Variants in DELE1 observed in about 807,000 individuals in gnomAD.
DELE1 encodes the protein death ligand signal enhancer.
A neutral mutation model predicts 59.3 loss-of-function variants in DELE1; 54 were observed. The observed-to-expected ratio is 0.91, with a 90% CI of 0.73 to 1.14. The LOEUF is 1.14. Ranked by LOEUF, DELE1 falls within the 50% of genes most tolerant of loss-of-function variation. The pLI is 0.00. For missense variants in DELE1, 636 were observed against 643.9 expected (o/e 0.99, Z 0.13); for synonymous variants, 264 against 259.1 (o/e 1.02, Z -0.18).
intron 8 of DELE1, chr5:141,933,915 G>GCC (rs141299436): frequency 6.4e-4 from 117 of 182,752 alleles, no homozygotes; most frequent in African/African-American, 2.5e-3. Flanking sequence ...CTCTCTCTCT[G>GCC]CCCCCCCCCA....
In DELE1 at chr5:141,933,239, T is replaced by A; in HGVS notation, c.755-20T>A. ...AAGTTCACTGAGGAAGCTGTGTTTG[T>A]GCCCTGTGCCTTCTTACAGGAACAG... On this transcript the variant is annotated intron_variant, in intron 7 of 11. Coordinates refer to ENST00000432126, the MANE Select transcript of DELE1 (RefSeq NM_014773.5). The A allele has an allele frequency of 6.6e-7, 1 of 1,513,756 alleles. No individual in the cohort carries two copies. Among genetic ancestry groups the A allele is most frequent in the African/African-American group, 1.4e-5 (1 of 72,842 alleles). 93.8% of individuals were successfully genotyped at this position (1,513,756 alleles called of 1,614,324 possible). A position where few individuals can be genotyped will look rare whatever the true frequency, so the allele number is the denominator to read the frequency against.
intron 1 of DELE1, 78 bp downstream of exon 1, chr5:141,924,050 G>A (rs1751156010): frequency 1.3e-6 from 2 of 1,550,684 alleles, no homozygotes; most frequent in South Asian, 2.3e-5. Context: ...CGAGGAAACA[G>A]CCGAAGCGAT....
chr5:141,928,178 C>T lies in DELE1; in HGVS notation c.292C>T (p.Leu98=). The T allele has an allele frequency of 6.2e-7, 1 of 1,614,088 alleles. No homozygotes were observed. The highest frequency in any genetic ancestry group is 1.1e-5 in the South Asian group (1 of 91,078). Residue 98 remains leucine, a synonymous_variant, in exon 4 of 12, where the codon CTG becomes TTG. Transcript: ENST00000432126. Reference sequence around the variant, plus strand: ...CACTCTGGCCGTGCTGGCCCTGCAGCTGGCAAGGCAGATCCACTTCCAGGC... The same window carrying T: ...CACTCTGGCCGTGCTGGCCCTGCAGTTGGCAAGGCAGATCCACTTCCAGGC... ...WGTLAVLALQ[L]ARQIHFQASL...
At chr5:141,925,742 C>T (rs184913813) in intron 3 of DELE1, among the ~76,000 whole-genome samples, 1 of 152,020 alleles carries the variant, frequency 6.6e-6, no homozygotes, top group Non-Finnish European at 1.5e-5. Flanking sequence ...TTATGTAACA[C>T]CTTGTCTGGG....
rs945602382 is a variant in DELE1 at position 141,937,928 on chromosome 5, G to A, written c.1309+571G>A. Among the ~76,000 whole-genome samples the A allele has an allele frequency of 3.3e-5, 5 of 150,710 alleles. No individual in the cohort carries two copies. In the East Asian group the frequency reaches 6.0e-4, roughly 18 times the overall value. ...CAACCTCTGCCTCCCGGGTTCAAGC[G>A]ATTCTCCTGCCTCAGCCTCTCAAGT... is the stretch of plus-strand genomic sequence containing the variant. On this transcript the variant is annotated intron_variant, in intron 11 of 11. Coordinates refer to ENST00000432126, the MANE Select transcript of DELE1 (RefSeq NM_014773.5).
At chr5:141,938,113 A>G (rs947605806) in intron 11 of DELE1, among the ~76,000 whole-genome samples, 7 of 152,060 alleles carry the variant, frequency 4.6e-5, no homozygotes, top group Admixed American at 1.3e-4. Context: ...AGTGTGAGCC[A>G]CCGCGCCCAG....
chr5:141,940,318 G>A lies in DELE1; in HGVS notation c.*1559G>A. The A allele has an allele frequency of 1.0e-6, 1 of 985,406 alleles. No individual in the cohort carries two copies. Among genetic ancestry groups the A allele is most frequent in the Non-Finnish European group, 1.2e-6 (1 of 829,930 alleles). The allele number at this position is 985,406 out of a possible 1,614,324, so 61.0% of individuals were successfully genotyped here. A position where few individuals can be genotyped will look rare whatever the true frequency, so the allele number is the denominator to read the frequency against. On this transcript the variant is annotated 3_prime_UTR_variant, in exon 12 of 12. Coordinates refer to ENST00000432126, the MANE Select transcript of DELE1 (RefSeq NM_014773.5). ...GAAAAAAAAAGATTTCTGAGTCAGT[G>A]CTAATGAGTCCAGTTACTGAATTTG...
chr5:141,936,100 G>GT (rs911813138), intron 10 of DELE1, among the ~76,000 whole-genome samples: 3 of 152,134 alleles, frequency 2.0e-5, no homozygotes, highest in Non-Finnish European at 2.9e-5. Flanking sequence ...GTTTTGTTTT[G>GT]TTTTTTTAAT....
chr5:141,938,670 C>T lies in DELE1; in HGVS notation c.1459C>T (p.Leu487Phe). Residue 487 changes from leucine to phenylalanine, a missense_variant, in exon 12 of 12, where the codon CTC becomes TTC. By Grantham distance (22) the Leu-to-Phe change is conservative (BLOSUM62 0). Coordinates refer to ENST00000432126, the MANE Select transcript of DELE1 (RefSeq NM_014773.5). Reference sequence around the variant, plus strand: ...TGGCCTCCTCTGCAGAAGTGGGCATCTCGGAGCCAGCCTGGAAGCCTCCAG... The same window carrying T: ...TGGCCTCCTCTGCAGAAGTGGGCATTTCGGAGCCAGCCTGGAAGCCTCCAG... ...NLGLLCRSGH[L>F]GASLEASSRA... 6.2e-7 allele frequency: 1 copy of T among 1,614,158 alleles called. No individual in the cohort carries two copies.
At position 141,941,379 on chromosome 5, in the gene DELE1, G is replaced by C; in HGVS notation, c.*2620G>C. On this transcript the variant is annotated 3_prime_UTR_variant, in exon 12 of 12. Transcript: ENST00000432126. The stretch of plus-strand genomic sequence containing the variant: ...AAAGGAAGGGCCTCTCCTGTGGAAA[G>C]GGAAGGATGGCAGAGTCGTGAGAAA... The C allele has an allele frequency of 1.0e-6, 1 of 985,596 alleles. No individual in the cohort carries two copies. Among genetic ancestry groups the C allele is most frequent in the Non-Finnish European group, 1.2e-6 (1 of 830,064 alleles). 61.1% of individuals were successfully genotyped at this position (985,596 alleles called of 1,614,324 possible). A position where few individuals can be genotyped will look rare whatever the true frequency, so the allele number is the denominator to read the frequency against.
At position 141,940,972 on chromosome 5, in the gene DELE1, G is replaced by C; in HGVS notation, c.*2213G>C. ...CACATCAGCATATTTGAGGTTCCAAGAAGTCCTCCAGTAAAGAACTTGGTT... is the reference window on the plus strand; with the variant it reads ...CACATCAGCATATTTGAGGTTCCAACAAGTCCTCCAGTAAAGAACTTGGTT... On this transcript the variant is annotated 3_prime_UTR_variant, in exon 12 of 12. Transcript: ENST00000432126. 1 of 978,482 alleles carries C rather than the reference G, an allele frequency of 1.0e-6. No individual in the cohort carries two copies. Among genetic ancestry groups the C allele is most frequent in the Non-Finnish European group, 1.2e-6 (1 of 823,640 alleles). The allele number at this position is 978,482 out of a possible 1,614,324, so 60.6% of individuals were successfully genotyped here.
At position 141,941,050 on chromosome 5, in the gene DELE1, T is replaced by C. The variant is rs1752708455; in HGVS notation, c.*2291T>C. 10 of 985,464 alleles carry C rather than the reference T, an allele frequency of 1.0e-5. No homozygotes were observed. The highest frequency in any genetic ancestry group is 1.2e-5 in the Non-Finnish European group (10 of 829,930). 61.0% of individuals were successfully genotyped at this position (985,464 alleles called of 1,614,324 possible). Reference sequence around the variant, plus strand: ...AGCCCAGAGCCCGTTTCCCTACAGATTGCTTTTGAGCCTTCCTGGGGCACC... The same window carrying C: ...AGCCCAGAGCCCGTTTCCCTACAGACTGCTTTTGAGCCTTCCTGGGGCACC... On this transcript the variant is annotated 3_prime_UTR_variant, in exon 12 of 12. Coordinates refer to ENST00000432126, the MANE Select transcript of DELE1 (RefSeq NM_014773.5).
chr5:141,927,295 G>A (rs1751500894), intron 3 of DELE1, among the ~76,000 whole-genome samples: 1 of 152,140 alleles, frequency 6.6e-6, no homozygotes, highest in South Asian at 2.1e-4. Flanking sequence ...CTGCCTCCCA[G>A]GTTCAAGCAA....
chr5:141,927,260 G>C (rs969809682), intron 3 of DELE1, among the ~76,000 whole-genome samples: 1 of 152,136 alleles, frequency 6.6e-6, no homozygotes, highest in Non-Finnish European at 1.5e-5. Context: ...GAGCGCAGTG[G>C]TGCGATCCTG....
At chr5:141,937,770 CAAAA>C (rs1172381549) in intron 11 of DELE1, among the ~76,000 whole-genome samples, 4 of 61,278 alleles carry the variant, frequency 6.5e-5, no homozygotes, top group Non-Finnish European at 3.0e-5. Flanking sequence ...GATTCTGTTT[CAAAA>C]AAAAAAAAAA....
At chr5:141,931,300 A>G (rs1243001707) in intron 7 of DELE1, 1 of 152,296 alleles carries the variant, frequency 6.6e-6, no homozygotes, top group Non-Finnish European at 1.5e-5. Context: ...GCTGGAGCTT[A>G]GAGATCTTGG....
At chr5:141,932,833 G>A (rs1207538579) in intron 7 of DELE1, among the ~76,000 whole-genome samples, 1 of 152,058 alleles carries the variant, frequency 6.6e-6, no homozygotes, top group Non-Finnish European at 1.5e-5. Context: ...AGTGGCTCAC[G>A]CCTGTAATCC....
intron 10 of DELE1, chr5:141,936,989 A>G: frequency 7.1e-7 from 1 of 1,410,226 alleles, no homozygotes; most frequent in Non-Finnish European, 9.2e-7. Context: ...CCCTGGGTGG[A>G]GGGATCCCCC....
At chr5:141,930,151 G>C in intron 6 of DELE1, 27 bp from the exon 7 acceptor site, 1 of 1,608,154 alleles carries the variant, frequency 6.2e-7, no homozygotes, top group East Asian at 2.2e-5. Flanking sequence ...ACCATCCCTT[G>C]GTGAGTCTTT....
Sources: allele counts gnomAD v4.1 joint callset (sites outside exome capture counted in the v4.1 genomes callset), GRCh38; gene constraint gnomAD v4.1.1; transcripts MANE v1.5; gene names NCBI Gene and HGNC (gene_info 2026-07-23, HGNC 2026-07-21).